The following DPP3 variants were observed in gnomAD, a reference collection of about 807,000 sequenced individuals.
DPP3 encodes the protein dipeptidyl peptidase 3, also known as DPP III.
A neutral mutation model predicts 89.8 loss-of-function variants in DPP3; 64 were observed. The ratio of observed to expected loss-of-function variants is 0.71; its 90% confidence interval spans 0.58 to 0.88. DPP3 has a LOEUF of 0.88. DPP3 is among the 40% of genes least tolerant of loss of function. The probability of loss-of-function intolerance (pLI) is 0.00; values close to 1 mark genes in which losing one functional copy is unlikely to be tolerated. For missense variants in DPP3, 835 were observed against 972.5 expected (o/e 0.86, Z 1.88); for synonymous variants, 377 against 404.3 (o/e 0.93, Z 0.81).
chr11:66,497,576 G>C, intron 16 of DPP3, 99 bp downstream of exon 16: 3 of 1,447,158 alleles, frequency 2.1e-6, no homozygotes, highest in Non-Finnish European at 2.8e-6. Context: ...AGTTTCTTAT[G>C]CTGCAGTGAG....
In DPP3 at chr11:66,509,068, C is replaced by A; in HGVS notation, c.2042-11C>A. On this transcript the variant is annotated splice_polypyrimidine_tract_variant and intron_variant, in intron 17 of 17. Transcript: ENST00000531863. ...CCTTTCCCTGCTGTTTTCTCTCCAT[C>A]TCCTCCCCAGGCTCAGACGTGCAGC... The A allele has an allele frequency of 6.2e-7, 1 of 1,613,270 alleles. No homozygotes were observed. The highest frequency in any genetic ancestry group is 1.3e-5 in the African/African-American group (1 of 75,028).
chr11:66,483,519 C>G (rs1855143964), intron 2 of DPP3, among the ~76,000 whole-genome samples: 1 of 152,004 alleles, frequency 6.6e-6, no homozygotes, highest in Admixed American at 6.6e-5. Flanking sequence ...GTACCTCATT[C>G]TTTTTTATTG....
chr11:66,499,492 G>A (rs1855627303), intron 16 of DPP3, among the ~76,000 whole-genome samples: 1 of 152,076 alleles, frequency 6.6e-6, no homozygotes, highest in Admixed American at 6.6e-5. Context: ...TTTTTAGGTT[G>A]GGTGTGGTGG....
In DPP3 at chr11:66,487,129, T is replaced by C. The variant is rs1052305113; in HGVS notation, c.499-139T>C. ...AGCATGTTTGTTTGTTTTATAACTT[T>C]TTCCCCTGGAGGTAGATGGAGGGGT... On this transcript the variant is annotated intron_variant, in intron 4 of 17. Transcript: ENST00000531863. The C allele has an allele frequency of 2.0e-5, 16 of 784,244 alleles. No individual in the cohort carries two copies. In the East Asian group the frequency reaches 3.2e-4, roughly 16 times the overall value. 48.6% of individuals were successfully genotyped at this position (784,244 alleles called of 1,614,324 possible).
rs757207991 is a variant in DPP3 at position 66,482,395 on chromosome 11, C to A, written c.195C>A (p.Arg65=). The A allele has an allele frequency of 9.9e-6, 16 of 1,611,222 alleles. No individual in the cohort carries two copies. The highest frequency in any genetic ancestry group is 1.6e-4 in the Middle Eastern group (1 of 6,084). Residue 65 remains arginine, a synonymous_variant, in exon 2 of 18, where the codon CGC becomes CGA. Transcript: ENST00000531863. ...EAPYIYALLS[R]LFRAQDPDQL... is the part of the protein sequence containing the mutation. Reference sequence around the variant, plus strand: ...CCTACATCTATGCTCTGCTCAGCCGCCTCTTCCGCGCCCAGGACCCCGACC... The same window carrying A: ...CCTACATCTATGCTCTGCTCAGCCGACTCTTCCGCGCCCAGGACCCCGACC...
At position 66,497,387 on chromosome 11, in the gene DPP3, T is replaced by A. The variant is rs760211395; in HGVS notation, c.1788T>A (p.Asp596Glu). Residue 596 changes from aspartate (D) to glutamate (E), a missense_variant, in exon 16 of 18, where the codon GAT becomes GAA. Physicochemically the swap from Asp to Glu is conservative, Grantham distance 45 (BLOSUM62 2). Transcript: ENST00000531863. ...LVTITPTTGS[D>E]GRPDARVRLD... ...CCATCACTCCCACCACAGGCTCCGA[T>A]GGGCGCCCAGATGCCCGGGTCCGCC... 3 of 1,613,864 alleles carry A rather than the reference T, an allele frequency of 1.9e-6. No homozygotes were observed. The highest frequency in any genetic ancestry group is 2.2e-5 in the East Asian group (1 of 44,890).
chr11:66,508,807 G>A (rs1464655397), intron 17 of DPP3, among the ~76,000 whole-genome samples: 2 of 152,132 alleles, frequency 1.3e-5, no homozygotes, highest in African/African-American at 4.8e-5. Flanking sequence ...TTACAGGCAT[G>A]AGCCACCATG....
At chr11:66,481,932 G>A in intron 1 of DPP3, 1 of 505,774 alleles carries the variant, frequency 2.0e-6, no homozygotes, top group Non-Finnish European at 3.6e-6. Context: ...ACAGGTGTGA[G>A]CCACCATGCC....
chr11:66,504,720 C>T lies in DPP3; in HGVS notation c.1987C>T (p.Leu663=), dbSNP rs201193425. Residue 663 remains leucine (L), a synonymous_variant, in exon 17 of 18, where the codon CTG becomes TTG. Transcript: ENST00000531863. ...CTTCCTCACCCTCAGGGACACGGTG[C>T]TGCTGCGTAAGGAATCTCGGAAGCT... ...ECFLTLRDTV[L]LRKESRKLIV... is the part of the protein sequence containing the mutation. The T allele has an allele frequency of 3.3e-5, 54 of 1,613,068 alleles. No homozygotes were observed. The highest frequency in any genetic ancestry group is 4.4e-5 in the Non-Finnish European group (52 of 1,179,796).
intron 12 of DPP3, among the ~76,000 whole-genome samples, chr11:66,494,511 A>G (rs1028550848): frequency 6.6e-6 from 1 of 152,212 alleles, no homozygotes; most frequent in Non-Finnish European, 1.5e-5. Flanking sequence ...CAGTTGGCCC[A>G]TCTGTAAAAT....
In DPP3 at chr11:66,504,672, G is replaced by C; in HGVS notation, c.1939G>C (p.Val647Leu). 2 of 1,613,106 alleles carry C rather than the reference G, an allele frequency of 1.2e-6. No homozygotes were observed. Among genetic ancestry groups the C allele is most frequent in the Middle Eastern group, 1.7e-4 (1 of 5,740 alleles). The change falls in exon 17 of 18, where the codon GTC becomes CTC. Residue 647 changes from valine (V) to leucine (L), a missense_variant. Val to Leu is a conservative substitution (Grantham distance 32). Transcript: ENST00000531863. The stretch of plus-strand genomic sequence containing the variant: ...GGCCCTGTACGAGGGGTATGCAACA[G>C]TCACTGATGCGCCCCCCGAGTGCTT... ...GRALYEGYAT[V>L]TDAPPECFLT...
chr11:66,497,898 A>T (rs941208751), intron 16 of DPP3, among the ~76,000 whole-genome samples: 1 of 151,950 alleles, frequency 6.6e-6, no homozygotes, highest in African/African-American at 2.4e-5. Context: ...CTCTAAAAAA[A>T]AAAAAAAGAA....
rs1423349276 is a variant in DPP3, at chr11:66,485,117, C to G, written c.271-56C>G. ...GCATTCGCATCTCAGGAGGAGGTGT[C>G]GCTGGGGTCAGGGAGGCTGTGCTTC... On this transcript the variant is annotated intron_variant, in intron 2 of 17. Transcript: ENST00000531863. The G allele has an allele frequency of 2.0e-6, 3 of 1,527,592 alleles. No homozygotes were observed. In the African/African-American group the frequency reaches 4.1e-5, roughly 21 times the overall value. 94.6% of individuals were successfully genotyped at this position (1,527,592 alleles called of 1,614,324 possible).
At position 66,495,393 on chromosome 11, in the gene DPP3, C is replaced by G. The variant is rs1179636889; in HGVS notation, c.1481C>G (p.Thr494Ser). Residue 494 changes from threonine to serine, a missense_variant, in exon 14 of 18, where the codon ACC becomes AGC. Thr to Ser is a moderately conservative substitution (Grantham distance 58, BLOSUM62 1). Transcript: ENST00000531863. ...QIQSWYRSGE[T>S]WDSKFSTIAS... is the part of the protein sequence containing the mutation. ...CAGAGCTGGTATCGGAGCGGGGAGA[C>G]CTGGGATAGCAAGTTCAGCACCATC... 1 of 1,613,530 alleles carries G rather than the reference C, an allele frequency of 6.2e-7. No homozygotes were observed.
chr11:66,504,971 C>A (rs901518031), intron 17 of DPP3, among the ~76,000 whole-genome samples, 197 bp downstream of exon 17: 4 of 152,168 alleles, frequency 2.6e-5, no homozygotes, highest in Admixed American at 1.3e-4. Flanking sequence ...CACCACCCCC[C>A]CGACACACAC....
intron 16 of DPP3, among the ~76,000 whole-genome samples, chr11:66,499,387 G>A (rs1353646155): frequency 6.6e-6 from 1 of 152,014 alleles, no homozygotes; most frequent in Non-Finnish European, 1.5e-5. Context: ...TCTTACACTA[G>A]GATAGGATAT....
chr11:66,484,658 G>A (rs954777386), intron 2 of DPP3, among the ~76,000 whole-genome samples: 6 of 151,970 alleles, frequency 3.9e-5, no homozygotes, highest in African/African-American at 9.7e-5. Context: ...GGGGAAGGGA[G>A]ATCCCCCACC....
rs759925443 is a variant in DPP3, at chr11:66,487,972, A to T, written c.632A>T (p.Tyr211Phe). ...FKEVDGEGKP[Y>F]YEVRLASVLG... ...GAGGTCGATGGAGAAGGGAAGCCCT[A>T]CTACGAGGTGCGGCTGGCTTCTGTG... Residue 211 changes from tyrosine (Y) to phenylalanine (F), a missense_variant, in exon 6 of 18, where the codon TAC (tyrosine) becomes TTC (phenylalanine). Physicochemically the swap from Tyr to Phe is conservative, Grantham distance 22. Coordinates refer to ENST00000531863, the MANE Select transcript of DPP3 (RefSeq NM_130443.4). 4 of 1,614,008 alleles carry T rather than the reference A, an allele frequency of 2.5e-6. No individual in the cohort carries two copies. In the Admixed American group the frequency reaches 6.7e-5, roughly 27 times the overall value.
intron 14 of DPP3, 44 bp from the exon 15 acceptor site, chr11:66,495,586 G>C: frequency 6.2e-7 from 1 of 1,613,874 alleles, no homozygotes; most frequent in Non-Finnish European, 8.5e-7. Context: ...GATGGGGACA[G>C]GGCAGCCTCT....
Sources: gnomAD v4.1 joint callset for allele counts (sites outside exome capture counted in the v4.1 genomes callset) on GRCh38, gnomAD v4.1.1 for gene constraint, MANE v1.5 for transcripts, NCBI Gene and HGNC (gene_info 2026-07-23, HGNC 2026-07-21) for gene names.